Variants in CSMD1 observed in about 807,000 individuals in gnomAD.
CSMD1 encodes the protein CUB and Sushi multiple domains 1.
In CSMD1, 213 loss-of-function variants were observed where a neutral mutation model predicts 417.5. The ratio of observed to expected loss-of-function variants is 0.51; its 90% CI spans 0.46 to 0.57. The LOEUF (loss-of-function observed/expected upper bound fraction) is 0.57, where lower values mean the gene tolerates loss of function less well. CSMD1 is among the 20% of genes least tolerant of loss of function. The pLI, the probability that CSMD1 is intolerant of heterozygous loss-of-function variation, is 0.00. For missense variants in CSMD1, 6,923 were observed against 4,529.7 expected, an observed-to-expected ratio of 1.53 and a Z score of -15.17; for synonymous variants, 2,862 against 1,736.8, an observed-to-expected ratio of 1.65 and a Z score of -16.11.
chr8:3,563,442 TA>T (rs60108067), intron 10 of CSMD1, among the ~76,000 whole-genome samples: 4,434 of 62,752 alleles, frequency 0.071, 209 homozygotes, highest in African/African-American at 0.21. Flanking sequence ...TATTAAAAGG[TA>T]AAAAAAAAAA....
chr8:3,152,150 C>G (rs1159081120), intron 39 of CSMD1, among the ~76,000 whole-genome samples: 1 of 152,180 alleles, frequency 6.6e-6, no homozygotes, highest in African/African-American at 2.4e-5. Context: ...CCACTTTCTC[C>G]CCAGGAAATC....
chr8:3,399,123 G>C (rs1289734831), intron 16 of CSMD1, among the ~76,000 whole-genome samples: 1 of 152,118 alleles, frequency 6.6e-6, no homozygotes, highest in Non-Finnish European at 1.5e-5. Context: ...CCCAAACCCA[G>C]AGTCAGATAC....
At chr8:3,793,769 GA>G (rs1799882745) in intron 5 of CSMD1, among the ~76,000 whole-genome samples, 2 of 152,136 alleles carry the variant, frequency 1.3e-5, no homozygotes, top group African/African-American at 4.8e-5. Context: ...GTAGGAACTT[GA>G]CGACAGAGAC....
intron 1 of CSMD1, among the ~76,000 whole-genome samples, chr8:4,904,993 G>C (rs1210336514): frequency 6.6e-6 from 1 of 152,108 alleles, no homozygotes; most frequent in African/African-American, 2.4e-5. Flanking sequence ...ATTTGCAAAG[G>C]TATTACTCAC....
chr8:3,967,725 G>C (rs147143178), intron 5 of CSMD1, among the ~76,000 whole-genome samples: 19 of 152,210 alleles, frequency 1.2e-4, no homozygotes, highest in African/African-American at 3.1e-4. Flanking sequence ...CAAGAGATGA[G>C]TCCAACAAAG....
At chr8:4,014,006 G>A (rs749741536) in intron 4 of CSMD1, among the ~76,000 whole-genome samples, 6 of 152,086 alleles carry the variant, frequency 3.9e-5, no homozygotes, top group African/African-American at 9.7e-5. Flanking sequence ...ATTAACACAC[G>A]TAAATACTGA....
In CSMD1 at chr8:3,136,796, G is replaced by T. The variant is rs570663195; in HGVS notation, c.6241+5669C>A. The stretch of plus-strand genomic sequence containing the variant: ...GTAACTGATACTTCTCTGGCTGAAA[G>T]CACAATCCCTTAAAGAAGCCTTCTA... On this transcript the variant is annotated intron_variant, in intron 41 of 69. Coordinates refer to ENST00000635120, the MANE Select transcript of CSMD1 (RefSeq NM_033225.6). Among the ~76,000 whole-genome samples the T allele has an allele frequency of 1.4e-4, 21 of 152,232 alleles. No homozygotes were observed. The South Asian group carries it at 3.5e-3, about 26-fold the overall frequency.
chr8:4,305,102 T>C (rs1798176678), intron 3 of CSMD1, among the ~76,000 whole-genome samples: 1 of 152,220 alleles, frequency 6.6e-6, no homozygotes, highest in Non-Finnish European at 1.5e-5. Context: ...CCATGCCTCC[T>C]GGATAAAATT....
At chr8:4,795,688 A>G (rs1022930492) in intron 1 of CSMD1, among the ~76,000 whole-genome samples, 1 of 152,148 alleles carries the variant, frequency 6.6e-6, no homozygotes, top group African/African-American at 2.4e-5. Context: ...ATCTTCTGTG[A>G]ACTGGGATCC....
intron 2 of CSMD1, among the ~76,000 whole-genome samples, chr8:4,441,607 C>G (rs1280418887): frequency 6.6e-6 from 1 of 152,122 alleles, no homozygotes; most frequent in Non-Finnish European, 1.5e-5. Flanking sequence ...TTTGATAATG[C>G]TGAAGTTCTT....
intron 1 of CSMD1, among the ~76,000 whole-genome samples, chr8:4,921,803 G>A (rs1038809213): frequency 9.9e-5 from 15 of 152,068 alleles, no homozygotes; most frequent in African/African-American, 3.6e-4. Context: ...TGTTTTCACA[G>A]ATCATGGCGA....
At chr8:3,124,986 G>C (rs532154831) in intron 41 of CSMD1, among the ~76,000 whole-genome samples, 18 of 152,262 alleles carry the variant, frequency 1.2e-4, no homozygotes, top group South Asian at 8.3e-4. Context: ...CAAATGTCTT[G>C]TTAAACTGAG....
intron 1 of CSMD1, among the ~76,000 whole-genome samples, chr8:4,964,917 C>T (rs542678190): frequency 6.6e-6 from 1 of 152,296 alleles, no homozygotes; most frequent in African/African-American, 2.4e-5. Context: ...ATTTTCAGCA[C>T]ATCAGCCCTT....
chr8:3,927,244 A>C (rs1417540736), intron 5 of CSMD1, among the ~76,000 whole-genome samples: 1 of 152,044 alleles, frequency 6.6e-6, no homozygotes, highest in Non-Finnish European at 1.5e-5. Context: ...TTATTCCAAC[A>C]ATTACAAATA....
intron 49 of CSMD1, among the ~76,000 whole-genome samples, chr8:3,082,959 GC>G (rs1814216289): frequency 6.6e-6 from 1 of 152,178 alleles, no homozygotes; most frequent in African/African-American, 2.4e-5. Flanking sequence ...AAACTTCTGT[GC>G]TGATTTGGGT....
At chr8:4,917,840 G>C (rs1229293176) in intron 1 of CSMD1, among the ~76,000 whole-genome samples, 1 of 151,926 alleles carries the variant, frequency 6.6e-6, no homozygotes. Context: ...GATGGAGGAG[G>C]AGATTTCCAA....
chr8:4,000,267 C>T (rs1238692597), intron 4 of CSMD1, among the ~76,000 whole-genome samples: 1 of 152,104 alleles, frequency 6.6e-6, no homozygotes, highest in African/African-American at 2.4e-5. Context: ...TGCAAGCACA[C>T]ACACTTCCCT....
intron 12 of CSMD1, among the ~76,000 whole-genome samples, chr8:3,451,118 G>C (rs1034552814): frequency 5.3e-5 from 8 of 152,156 alleles, no homozygotes; most frequent in Non-Finnish European, 1.0e-4. Context: ...GTCTTCTTTT[G>C]AGAAGTGTCT....
intron 23 of CSMD1, among the ~76,000 whole-genome samples, chr8:3,318,605 G>C (rs1466810879): frequency 2.0e-5 from 3 of 152,172 alleles, no homozygotes; most frequent in Non-Finnish European, 2.9e-5. Context: ...ACAATGCTGT[G>C]TTTCAATGTA....
Sources: allele counts gnomAD v4.1 joint callset (sites outside exome capture counted in the v4.1 genomes callset), GRCh38; gene constraint gnomAD v4.1.1; transcripts MANE v1.5; gene names NCBI Gene and HGNC (gene_info 2026-07-23, HGNC 2026-07-21).